The following ACVR1 variants were observed in gnomAD, a reference collection of about 807,000 sequenced individuals.
ACVR1 encodes activin receptor type-1.
ACVR1 carries 38 observed loss-of-function variants against 57.1 expected under a neutral mutation model. The ratio of observed to expected loss-of-function variants is 0.67; its 90% CI spans 0.51 to 0.87. The LOEUF is 0.87. ACVR1 is among the 40% of genes least tolerant of loss of function. The pLI is 0.00. For missense variants in ACVR1, 463 were observed against 638.2 expected (o/e 0.73, Z 2.96); for synonymous variants, 212 against 228.1 (o/e 0.93, Z 0.63).
At chr2:157,868,178 A>C (rs1053730300) in intron 1 of ACVR1, among the ~76,000 whole-genome samples, 2 of 152,074 alleles carry the variant, frequency 1.3e-5, no homozygotes, top group Non-Finnish European at 1.5e-5. Context: ...ATAGTCTGAG[A>C]CTAGTGATTA....
chr2:157,792,032 A>G (rs963052968), intron 3 of ACVR1, among the ~76,000 whole-genome samples: 3 of 152,172 alleles, frequency 2.0e-5, no homozygotes, highest in African/African-American at 7.2e-5. Flanking sequence ...AATTTGGTGT[A>G]GGTACCATAA....
Position 157,801,638 on chromosome 2 carries a change from C to G in ACVR1, c.-7-2138G>C, listed in dbSNP as rs185231781. ...ATTATCCTGAGTGGCTTGAGACTTTCATTGATGATAGTATGATTCCACTGC... is the reference window on the plus strand; with the variant it reads ...ATTATCCTGAGTGGCTTGAGACTTTGATTGATGATAGTATGATTCCACTGC... On this transcript the variant is annotated intron_variant, in intron 2 of 10. Transcript: ENST00000434821. 3.2e-3 allele frequency among the ~76,000 whole-genome samples: 491 copies of G among 152,304 alleles called. 3 individuals carry two copies. Among genetic ancestry groups the G allele is most frequent in the African/African-American group, 0.011 (442 of 41,570 alleles).
In ACVR1 at chr2:157,736,923, C is replaced by T. The variant is rs758573643; in HGVS notation, c.*608G>A. 9 of 311,908 alleles carry T rather than the reference C, an allele frequency of 2.9e-5. No homozygotes were observed. The highest frequency in any genetic ancestry group is 1.8e-4 in the East Asian group (4 of 22,822). 19.3% of individuals were successfully genotyped at this position (311,908 alleles called of 1,614,324 possible). On this transcript the variant is annotated 3_prime_UTR_variant, in exon 11 of 11. Coordinates refer to ENST00000434821, the MANE Select transcript of ACVR1 (RefSeq NM_001111067.4). ...TTGTGTATAAACAATTCCTAATGTT[C>T]GGCATCATTGTAAACATCAGCACAT...
chr2:157,755,467 G>A (rs1685387070), intron 9 of ACVR1, among the ~76,000 whole-genome samples: 1 of 151,944 alleles, frequency 6.6e-6, no homozygotes, highest in East Asian at 1.9e-4. Context: ...TACACCAACA[G>A]CAACCAAGCT....
intron 2 of ACVR1, among the ~76,000 whole-genome samples, chr2:157,815,658 T>C (rs1242689522): frequency 2.0e-5 from 3 of 152,198 alleles, no homozygotes; most frequent in African/African-American, 7.2e-5. Context: ...CTGTTATTCA[T>C]TACTTCCTCT....
chr2:157,762,573 G>A (rs547627505), intron 8 of ACVR1, among the ~76,000 whole-genome samples: 1 of 152,280 alleles, frequency 6.6e-6, no homozygotes, highest in South Asian at 2.1e-4. Flanking sequence ...CTGAAGATGG[G>A]AGAAGCTTCA....
intron 6 of ACVR1, among the ~76,000 whole-genome samples, chr2:157,773,049 CAAAAGCAAA>C (rs1394398046): frequency 2.0e-5 from 3 of 152,216 alleles, no homozygotes; most frequent in East Asian, 3.9e-4. Flanking sequence ...GGTCACCTCC[CAAAAGCAAA>C]AGATGCAACG....
chr2:157,815,895 G>A (rs1399983962), intron 2 of ACVR1, among the ~76,000 whole-genome samples: 2 of 152,128 alleles, frequency 1.3e-5, no homozygotes, highest in Non-Finnish European at 1.5e-5. Flanking sequence ...CAACAGTCAT[G>A]GCCTTGGTTT....
intron 10 of ACVR1, 53 bp downstream of exon 10, chr2:157,738,387 C>A: frequency 6.2e-7 from 1 of 1,613,366 alleles, no homozygotes; most frequent in South Asian, 1.1e-5. Flanking sequence ...CAAAGGGAAA[C>A]AAATAGCAAA....
chr2:157,842,428 A>C (rs1029209904), intron 1 of ACVR1, among the ~76,000 whole-genome samples: 4 of 152,226 alleles, frequency 2.6e-5, no homozygotes, highest in African/African-American at 9.6e-5. Context: ...ACCTACAATG[A>C]GCCAGGCACT....
intron 2 of ACVR1, among the ~76,000 whole-genome samples, chr2:157,811,808 A>C (rs371197893): frequency 1.4e-5 from 2 of 138,288 alleles, no homozygotes; most frequent in Non-Finnish European, 2.9e-5. Flanking sequence ...AACAACAACA[A>C]AAAGAAGGAG....
chr2:157,766,585 A>T (rs1378483200), intron 7 of ACVR1, among the ~76,000 whole-genome samples: 1 of 152,246 alleles, frequency 6.6e-6, no homozygotes, highest in Non-Finnish European at 1.5e-5. Context: ...AAACCTGAGT[A>T]CTGTATTCTA....
chr2:157,822,689 C>T (rs993064576), intron 1 of ACVR1, among the ~76,000 whole-genome samples: 4 of 152,186 alleles, frequency 2.6e-5, no homozygotes, highest in Non-Finnish European at 5.9e-5. Context: ...ATCCAGCCCA[C>T]AGTCTGGATT....
At position 157,778,787 on chromosome 2, in the gene ACVR1, C is replaced by T. The variant is rs867635394; in HGVS notation, c.332-445G>A. ...CTGGGTGTCTACTGCTGGTTTCTCA[C>T]TGATTTTTTTACATCACAATTTCTG... is the stretch of plus-strand genomic sequence containing the variant. On this transcript the variant is annotated intron_variant, in intron 4 of 10. Coordinates refer to ENST00000434821, the MANE Select transcript of ACVR1 (RefSeq NM_001111067.4). Among the ~76,000 whole-genome samples the T allele has an allele frequency of 2.6e-4, 40 of 152,150 alleles. 1 individual carries two copies. The highest frequency in any genetic ancestry group is 3.2e-3 in the Middle Eastern group (1 of 316).
intron 8 of ACVR1, among the ~76,000 whole-genome samples, chr2:157,764,642 A>G (rs1685797147): frequency 6.6e-6 from 1 of 152,186 alleles, no homozygotes; most frequent in African/African-American, 2.4e-5. Flanking sequence ...GAGTGAAAGC[A>G]GTGTCAGCAC....
chr2:157,846,019 A>T (rs1490022467), intron 1 of ACVR1, among the ~76,000 whole-genome samples: 1 of 152,264 alleles, frequency 6.6e-6, no homozygotes, highest in Admixed American at 6.5e-5. Context: ...CCTAATCCCC[A>T]GAACCTGTGA....
chr2:157,868,592 T>C (rs1690019748), intron 1 of ACVR1, among the ~76,000 whole-genome samples: 1 of 152,208 alleles, frequency 6.6e-6, no homozygotes, highest in South Asian at 2.1e-4. Context: ...GAATGTTGCC[T>C]ATGCTACAAC....
chr2:157,815,189 C>T (rs945549595), intron 2 of ACVR1, among the ~76,000 whole-genome samples: 2 of 152,048 alleles, frequency 1.3e-5, no homozygotes, highest in African/African-American at 4.8e-5. Context: ...ATACTGTTAC[C>T]ATGTGTGTAA....
intron 1 of ACVR1, chr2:157,874,783 T>C (rs1301069570): frequency 6.6e-6 from 1 of 152,202 alleles, no homozygotes; most frequent in African/African-American, 2.4e-5. Context: ...ACGGGCCCCT[T>C]TGCCCATCAT....
Sources: allele counts gnomAD v4.1 joint callset (sites outside exome capture counted in the v4.1 genomes callset), GRCh38; gene constraint gnomAD v4.1.1; transcripts MANE v1.5; gene names NCBI Gene and HGNC (gene_info 2026-07-23, HGNC 2026-07-21).